The following RBFOX3 variants were observed in gnomAD, a reference collection of about 807,000 sequenced individuals.
RBFOX3 encodes the protein RNA binding protein fox-1 homolog 3.
A neutral mutation model predicts 48.7 loss-of-function variants in RBFOX3; 17 were observed. The ratio of observed to expected loss-of-function variants is 0.35; its 90% CI spans 0.24 to 0.52. RBFOX3 has a LOEUF of 0.52. RBFOX3 is among the 20% of genes least tolerant of loss of function. The pLI, the probability that RBFOX3 is intolerant of heterozygous loss-of-function variation, is 0.94. For missense variants in RBFOX3, 382 were observed against 497.5 expected (o/e 0.77, Z 2.21); for synonymous variants, 212 against 209.5 (o/e 1.01, Z -0.10).
intron 1 of RBFOX3, among the ~76,000 whole-genome samples, chr17:79,561,348 C>T (rs1425915116): frequency 3.3e-5 from 5 of 152,124 alleles, no homozygotes; most frequent in African/African-American, 1.2e-4. Context: ...CAGGAAGAAA[C>T]GCTGGACAGT....
chr17:79,447,331 C>T (rs1185151751), intron 2 of RBFOX3, among the ~76,000 whole-genome samples: 2 of 152,202 alleles, frequency 1.3e-5, no homozygotes, highest in Admixed American at 6.5e-5. Context: ...AATGTGCAGC[C>T]TCATCCATCC....
intron 2 of RBFOX3, among the ~76,000 whole-genome samples, chr17:79,449,144 C>G (rs925314667): frequency 6.6e-6 from 1 of 152,100 alleles, no homozygotes; most frequent in Non-Finnish European, 1.5e-5. Context: ...GCAAACAAAA[C>G]CCCTGAAGCT....
intron 4 of RBFOX3, among the ~76,000 whole-genome samples, chr17:79,161,740 C>T (rs1339900877): frequency 6.7e-6 from 1 of 148,758 alleles, no homozygotes; most frequent in African/African-American, 2.5e-5. Flanking sequence ...GGACTACAGG[C>T]GCATACCATC....
At chr17:79,315,662 A>G (rs2077440880) in intron 2 of RBFOX3, among the ~76,000 whole-genome samples, 1 of 152,236 alleles carries the variant, frequency 6.6e-6, no homozygotes, top group Non-Finnish European at 1.5e-5. Flanking sequence ...TCATTACTCA[A>G]GGAAAGGGAC....
chr17:79,139,111 C>G (rs2041352430), intron 4 of RBFOX3, among the ~76,000 whole-genome samples: 1 of 152,072 alleles, frequency 6.6e-6, no homozygotes, highest in Admixed American at 6.6e-5. Flanking sequence ...CCCACTCTCA[C>G]CCACACACGC....
chr17:79,226,839 A>G (rs1411935889), intron 4 of RBFOX3, among the ~76,000 whole-genome samples: 1 of 152,172 alleles, frequency 6.6e-6, no homozygotes, highest in African/African-American at 2.4e-5. Context: ...GTGAGTTAGG[A>G]AAGAGGGAGC....
chr17:79,608,869 G>T (rs2093900983), intron 1 of RBFOX3, among the ~76,000 whole-genome samples: 1 of 152,116 alleles, frequency 6.6e-6, no homozygotes, highest in Non-Finnish European at 1.5e-5. Flanking sequence ...CTCCTCGCCC[G>T]CAGGAGGCGG....
At chr17:79,517,902 T>G (rs905688464) in intron 1 of RBFOX3, among the ~76,000 whole-genome samples, 27 of 152,266 alleles carry the variant, frequency 1.8e-4, no homozygotes, top group African/African-American at 6.3e-4. Context: ...CTCACCTTCT[T>G]GAAAGCAGCT....
At chr17:79,133,671 A>G (rs2039500065) in intron 4 of RBFOX3, among the ~76,000 whole-genome samples, 1 of 152,166 alleles carries the variant, frequency 6.6e-6, no homozygotes, top group African/African-American at 2.4e-5. Flanking sequence ...GAATTTATAT[A>G]AGCAGGTGAG....
chr17:79,599,093 A>C (rs1350290919), intron 1 of RBFOX3: 2 of 152,212 alleles, frequency 1.3e-5, no homozygotes, highest in African/African-American at 4.8e-5. Flanking sequence ...GCTACTCTGC[A>C]ATCCAGATCC....
chr17:79,126,731 C>A (rs1217258018), intron 4 of RBFOX3, among the ~76,000 whole-genome samples: 2 of 152,208 alleles, frequency 1.3e-5, no homozygotes, highest in Admixed American at 6.5e-5. Context: ...AGGAGACACC[C>A]AGCCCAGCCC....
intron 2 of RBFOX3, among the ~76,000 whole-genome samples, chr17:79,347,119 A>C (rs1376718214): frequency 6.6e-6 from 1 of 152,236 alleles, no homozygotes; most frequent in Non-Finnish European, 1.5e-5. Context: ...ATTTGGCTGC[A>C]TGTAAAAGTC....
At chr17:79,594,836 C>T (rs1288047890) in intron 1 of RBFOX3, among the ~76,000 whole-genome samples, 3 of 152,124 alleles carry the variant, frequency 2.0e-5, no homozygotes, top group Non-Finnish European at 2.9e-5. Context: ...ACCCACTCAG[C>T]GCTTCCCCAC....
chr17:79,552,586 A>T (rs2091257695), intron 1 of RBFOX3, among the ~76,000 whole-genome samples: 1 of 152,168 alleles, frequency 6.6e-6, no homozygotes, highest in African/African-American at 2.4e-5. Context: ...GGCCTGGTGT[A>T]TGGAAAGCGC....
At chr17:79,295,655 C>T (rs2074219760) in intron 3 of RBFOX3, among the ~76,000 whole-genome samples, 1 of 152,206 alleles carries the variant, frequency 6.6e-6, no homozygotes, top group African/African-American at 2.4e-5. Flanking sequence ...CAGCCATTCT[C>T]ACCACATCAC....
chr17:79,194,730 T>C (rs935418645), intron 4 of RBFOX3, among the ~76,000 whole-genome samples: 4 of 140,774 alleles, frequency 2.8e-5, no homozygotes, highest in East Asian at 2.3e-4. Flanking sequence ...CCGGTTCTAA[T>C]TGAGACACTC....
At chr17:79,188,533 T>A (rs529980065) in intron 4 of RBFOX3, among the ~76,000 whole-genome samples, 2 of 152,242 alleles carry the variant, frequency 1.3e-5, no homozygotes, top group Non-Finnish European at 2.9e-5. Flanking sequence ...ACACTTGAGA[T>A]ATATGGGCAG....
intron 4 of RBFOX3, among the ~76,000 whole-genome samples, chr17:79,182,550 G>T (rs1183391256): frequency 6.6e-6 from 1 of 150,982 alleles, no homozygotes; most frequent in Non-Finnish European, 1.5e-5. Context: ...CGCCCCGGCC[G>T]GCCGGCGGGC....
intron 2 of RBFOX3, among the ~76,000 whole-genome samples, chr17:79,439,806 C>G (rs1477409225): frequency 2.0e-5 from 3 of 152,238 alleles, no homozygotes; most frequent in African/African-American, 7.2e-5. Context: ...ACACACATAC[C>G]AGACCTTCCT....
Sources: allele counts gnomAD v4.1 joint callset (sites outside exome capture counted in the v4.1 genomes callset), GRCh38; gene constraint gnomAD v4.1.1; transcripts MANE v1.5; gene names NCBI Gene and HGNC (gene_info 2026-07-23, HGNC 2026-07-21).